The following SNX2 variants were observed in gnomAD, a reference collection of about 807,000 sequenced individuals.
SNX2 encodes sorting nexin-2.
In SNX2, 25 loss-of-function variants were observed where a neutral mutation model predicts 69.9. The ratio of observed to expected loss-of-function variants is 0.36; its 90% CI spans 0.26 to 0.50. SNX2 has a LOEUF of 0.50. SNX2 is among the 20% of genes least tolerant of loss of function. The probability of loss-of-function intolerance (pLI) is 0.97; values close to 1 mark genes in which losing one functional copy is unlikely to be tolerated. For synonymous variants in SNX2, 229 were observed against 200.4 expected, an observed-to-expected ratio of 1.14 and a Z score of -1.20; for missense variants, 551 against 613.3, an observed-to-expected ratio of 0.90 and a Z score of 1.07.
intron 1 of SNX2, among the ~76,000 whole-genome samples, chr5:122,778,205 T>C (rs1316787375): frequency 6.6e-6 from 1 of 152,228 alleles, no homozygotes; most frequent in Admixed American, 6.5e-5. Flanking sequence ...TACCACATGC[T>C]CTTGATTCAT....
At chr5:122,784,674 CTG>C (rs1045697832) in intron 1 of SNX2, among the ~76,000 whole-genome samples, 2 of 151,980 alleles carry the variant, frequency 1.3e-5, no homozygotes, top group African/African-American at 4.8e-5. Flanking sequence ...GCTTTTGTGT[CTG>C]TGTTCACGAC....
intron 2 of SNX2, 177 bp downstream of exon 2, chr5:122,795,560 C>T (rs1753358566): frequency 1.2e-5 from 6 of 497,434 alleles, no homozygotes; most frequent in Non-Finnish European, 2.1e-5. Context: ...GTGGACTGTC[C>T]AGAGAAGCAA....
chr5:122,821,369 G>C (rs1474554882), intron 11 of SNX2, among the ~76,000 whole-genome samples: 1 of 151,632 alleles, frequency 6.6e-6, no homozygotes, highest in Non-Finnish European at 1.5e-5. Context: ...TCTCAAAAAG[G>C]AATATACTGT....
At chr5:122,795,208 C>T in intron 1 of SNX2, 58 bp from the exon 2 acceptor site, 1 of 1,101,028 alleles carries the variant, frequency 9.1e-7, no homozygotes, top group Non-Finnish European at 1.4e-6. Context: ...TACATGGTGA[C>T]AGAATTACAA....
At chr5:122,807,414 C>T (rs556524922) in intron 6 of SNX2, among the ~76,000 whole-genome samples, 5 of 152,254 alleles carry the variant, frequency 3.3e-5, no homozygotes, top group East Asian at 1.9e-4. Flanking sequence ...CTCATTTTCC[C>T]CAGCCCTAGG....
At chr5:122,794,654 G>T (rs1753334615) in intron 1 of SNX2, among the ~76,000 whole-genome samples, 1 of 152,204 alleles carries the variant, frequency 6.6e-6, no homozygotes, top group South Asian at 2.1e-4. Flanking sequence ...GTATATGACT[G>T]TAAAATATTA....
rs903660133 is a variant in SNX2 at position 122,833,813 on chromosome 5, T to C, written c.*4165T>C. ...AGTAAGTCCAACAGCTAGTTTATCA[T>C]CCTGAACCCAGTGAAGAAATCAAAG... is the stretch of plus-strand genomic sequence containing the variant. On this transcript the variant is annotated 3_prime_UTR_variant, in exon 15 of 15. Coordinates refer to ENST00000379516, the MANE Select transcript of SNX2 (RefSeq NM_003100.4). 1 of 152,078 alleles carries C rather than the reference T, an allele frequency of 6.6e-6. No individual in the cohort carries two copies. The highest frequency in any genetic ancestry group is 2.4e-5 in the African/African-American group (1 of 41,444). The allele number at this position is 152,078 out of a possible 1,614,324, so 9.4% of individuals were successfully genotyped here. A position where few individuals can be genotyped will look rare whatever the true frequency, so the allele number is the denominator to read the frequency against.
At chr5:122,811,153 C>T (rs868113376) in intron 7 of SNX2, among the ~76,000 whole-genome samples, 3 of 152,120 alleles carry the variant, frequency 2.0e-5, no homozygotes, top group African/African-American at 7.2e-5. Flanking sequence ...ATGATATTTA[C>T]GTATTCGTTC....
chr5:122,817,106 G>A (rs1753916792), intron 9 of SNX2, 78 bp downstream of exon 9: 6 of 1,202,558 alleles, frequency 5.0e-6, no homozygotes, highest in South Asian at 1.3e-5. Flanking sequence ...TGTACAAGTG[G>A]AAAATAGGAT....
At position 122,831,626 on chromosome 5, in the gene SNX2, A is replaced by G. The variant is rs941219004; in HGVS notation, c.*1978A>G. ...TCAGAAACGAATAATTCATAGTAAT[A>G]TATATCAGATGCTATCTTGTTGCTC... On this transcript the variant is annotated 3_prime_UTR_variant, in exon 15 of 15. Transcript: ENST00000379516. Among the ~76,000 whole-genome samples, 1 of 152,244 alleles carries G rather than the reference A, an allele frequency of 6.6e-6. No individual in the cohort carries two copies. The highest frequency in any genetic ancestry group is 2.4e-5 in the African/African-American group (1 of 41,458).
intron 2 of SNX2, among the ~76,000 whole-genome samples, chr5:122,799,004 G>T (rs1300233064): frequency 6.6e-6 from 1 of 152,100 alleles, no homozygotes; most frequent in Non-Finnish European, 1.5e-5. Flanking sequence ...GGGCAGGTAT[G>T]ATATTTTACA....
chr5:122,808,394 G>T (rs372730855), intron 7 of SNX2, 39 bp downstream of exon 7: 111 of 1,367,130 alleles, frequency 8.1e-5, no homozygotes, highest in Admixed American at 1.0e-4. Context: ...TCTCATGTTT[G>T]TACCTTAATA....
At position 122,834,257 on chromosome 5, in the gene SNX2, C is replaced by A. The variant is rs1344740703; in HGVS notation, c.*4609C>A. 6.6e-6 allele frequency: 1 copy of A among 152,032 alleles called. No homozygotes were observed. Among genetic ancestry groups the A allele is most frequent in the Non-Finnish European group, 1.5e-5 (1 of 67,970 alleles). The allele number at this position is 152,032 out of a possible 1,614,324, so 9.4% of individuals were successfully genotyped here. A position where few individuals can be genotyped will look rare whatever the true frequency, so the allele number is the denominator to read the frequency against. On this transcript the variant is annotated 3_prime_UTR_variant, in exon 15 of 15. Coordinates refer to ENST00000379516, the MANE Select transcript of SNX2 (RefSeq NM_003100.4). The stretch of plus-strand genomic sequence containing the variant: ...AGATAGGGAAGCTGTAGTTTACTAT[C>A]TAGTTTTTTAATGCACATGAAGTAA...
At chr5:122,814,772 C>T (rs1270569308) in intron 7 of SNX2, among the ~76,000 whole-genome samples, 2 of 38,298 alleles carry the variant, frequency 5.2e-5, no homozygotes, top group Non-Finnish European at 8.9e-5. Flanking sequence ...TTTTTTGAGA[C>T]GGAGTTTCAC....
At position 122,833,217 on chromosome 5, in the gene SNX2, T is replaced by C. The variant is rs1299107830; in HGVS notation, c.*3569T>C. 1 of 152,088 alleles carries C rather than the reference T, an allele frequency of 6.6e-6. No individual in the cohort carries two copies. Among genetic ancestry groups the C allele is most frequent in the East Asian group, 1.9e-4 (1 of 5,200 alleles). The allele number at this position is 152,088 out of a possible 1,614,324, so 9.4% of individuals were successfully genotyped here. On this transcript the variant is annotated 3_prime_UTR_variant, in exon 15 of 15. Transcript: ENST00000379516. ...TTCATGTAACAATGAAAGTAGATAA[T>C]GGGTCAGACATGGAAATAGCAATAA... is the stretch of plus-strand genomic sequence containing the variant.
At chr5:122,798,322 C>T (rs1458585587) in intron 2 of SNX2, among the ~76,000 whole-genome samples, 2 of 152,060 alleles carry the variant, frequency 1.3e-5, no homozygotes, top group African/African-American at 4.8e-5. Context: ...ATTTTCCTTC[C>T]TCTGGTTACC....
At chr5:122,825,407 A>T (rs750486192) in intron 11 of SNX2, among the ~76,000 whole-genome samples, 2 of 152,034 alleles carry the variant, frequency 1.3e-5, no homozygotes, top group Non-Finnish European at 2.9e-5. Context: ...GAGAGAAGTC[A>T]TGGATTTGGT....
intron 6 of SNX2, among the ~76,000 whole-genome samples, chr5:122,806,068 C>T (rs534268442): frequency 1.5e-4 from 23 of 150,834 alleles, no homozygotes; most frequent in Admixed American, 2.6e-4. Flanking sequence ...GCGTGAGCCA[C>T]CGCGCCTGGC....
At chr5:122,804,622 G>A (rs58926164) in intron 6 of SNX2, among the ~76,000 whole-genome samples, 60,400 of 151,780 alleles carry the variant, frequency 0.4, 12,589 homozygotes, top group African/African-American at 0.49. Flanking sequence ...CTGCTTTGGC[G>A]TCCCAAAGTG....
Sources: allele counts gnomAD v4.1 joint callset (sites outside exome capture counted in the v4.1 genomes callset), GRCh38; gene constraint gnomAD v4.1.1; transcripts MANE v1.5; gene names NCBI Gene and HGNC (gene_info 2026-07-23, HGNC 2026-07-21).